Variants in FAM110D observed in about 807,000 individuals in gnomAD.
FAM110D encodes the protein protein FAM110D.
For missense variants in FAM110D, 376 were observed against 395.6 expected (o/e 0.95, Z 0.42); for synonymous variants, 174 against 189.4 (o/e 0.92, Z 0.67).
chr1:26,160,871 G>A (rs966133365), intron 1 of FAM110D, among the ~76,000 whole-genome samples: 34 of 152,262 alleles, frequency 2.2e-4, no homozygotes, highest in African/African-American at 8.2e-4. Context: ...GCTGGGTTGG[G>A]AAGAGGTATT....
intron 1 of FAM110D, among the ~76,000 whole-genome samples, chr1:26,160,792 G>C (rs1490190820): frequency 6.6e-6 from 1 of 152,228 alleles, no homozygotes; most frequent in African/African-American, 2.4e-5. Context: ...CGGTGTTTGG[G>C]GGCGGGAAGG....
rs765414051 is a variant in FAM110D at position 26,161,197 on chromosome 1, C to T, written c.-80-15C>T. The T allele has an allele frequency of 3.4e-4, 431 of 1,266,396 alleles. No individual in the cohort carries two copies. Among genetic ancestry groups the T allele is most frequent in the Non-Finnish European group, 4.4e-4 (407 of 932,256 alleles). 78.4% of individuals were successfully genotyped at this position (1,266,396 alleles called of 1,614,324 possible). On this transcript the variant is annotated splice_polypyrimidine_tract_variant and intron_variant, in intron 1 of 1. Coordinates refer to ENST00000374268, the MANE Select transcript of FAM110D (RefSeq NM_024869.3). The surrounding 1 kb of genome is among the most constrained non-coding windows in gnomAD (Gnocchi z 5.4). ...CATTTCCTACCCTTCCCCTGACCTTCCTCTCTCCCTGCAGGTCAGTGAGAG... is the reference window on the plus strand; with the variant it reads ...CATTTCCTACCCTTCCCCTGACCTTTCTCTCTCCCTGCAGGTCAGTGAGAG...
chr1:26,159,979 G>A (rs969625858), intron 1 of FAM110D, among the ~76,000 whole-genome samples: 1 of 152,140 alleles, frequency 6.6e-6, no homozygotes, highest in Non-Finnish European at 1.5e-5. Flanking sequence ...CAGGTTATTA[G>A]GAAGAATTAG....
At position 26,159,704 on chromosome 1, in the gene FAM110D, G is replaced by A. The variant is rs530709477; in HGVS notation, c.-81+578G>A. On this transcript the variant is annotated intron_variant, in intron 1 of 1. Transcript: ENST00000374268. ...TCACAGACTCCTTCCCCACTTCCCT[G>A]GCTAATTCTGTTCCTTTGTTGTCCC... is the stretch of plus-strand genomic sequence containing the variant. 1.3e-4 allele frequency among the ~76,000 whole-genome samples: 20 copies of A among 151,798 alleles called. No homozygotes were observed. The East Asian group carries it at 3.9e-3, about 29-fold the overall frequency.
Sources: gnomAD v4.1 joint callset for allele counts (sites outside exome capture counted in the v4.1 genomes callset) on GRCh38, gnomAD v4.1.1 for gene constraint, Gnocchi (gnomAD v3.1) non-coding constraint, MANE v1.5 for transcripts, NCBI Gene and HGNC (gene_info 2026-07-23, HGNC 2026-07-21) for gene names.